THSD7A: variants seen among roughly 807,000 people sequenced by gnomAD.
THSD7A encodes the protein thrombospondin type 1 domain containing 7A.
THSD7A carries 96 observed loss-of-function variants against 231.3 expected under a neutral mutation model. The ratio of observed to expected loss-of-function variants is 0.41; its 90% CI spans 0.35 to 0.49. The LOEUF (loss-of-function observed/expected upper bound fraction) is 0.49, where lower values mean the gene tolerates loss of function less well. Among genes scored for constraint, THSD7A ranks in the 20% least tolerant of loss-of-function variants. The pLI, the probability that THSD7A is intolerant of heterozygous loss-of-function variation, is 0.05. For missense variants in THSD7A, 2,290 were observed against 2,070.2 expected (o/e 1.11, Z -2.06); for synonymous variants, 940 against 743.3 (o/e 1.26, Z -4.30).
chr7:11,385,839 G>C lies in THSD7A; in HGVS notation c.4412-3223C>G, dbSNP rs552603617. ...ACCCATCAACCTGTCATCTACATTA[G>C]GTATTTCTCCTAGTGCTATCCCTCC... On this transcript the variant is annotated intron_variant, in intron 23 of 27. Transcript: ENST00000423059. Among the ~76,000 whole-genome samples, 48 of 152,068 alleles carry C rather than the reference G, an allele frequency of 3.2e-4. 1 individual carries two copies. The highest frequency in any genetic ancestry group is 4.4e-5 in the Non-Finnish European group (3 of 67,962).
intron 16 of THSD7A, among the ~76,000 whole-genome samples, chr7:11,418,459 T>TTCC: frequency 2.6e-5 from 4 of 152,182 alleles, no homozygotes; most frequent in Non-Finnish European, 4.4e-5. Flanking sequence ...AGAAAACCTT[T>TTCC]ATCTCTCATG....
chr7:11,623,463 C>A (rs1781382034), intron 2 of THSD7A, among the ~76,000 whole-genome samples: 1 of 152,030 alleles, frequency 6.6e-6, no homozygotes, highest in South Asian at 2.1e-4. Flanking sequence ...CTTCCTTATT[C>A]ATCATCTAAA....
intron 1 of THSD7A, among the ~76,000 whole-genome samples, chr7:11,704,731 C>G (rs967269982): frequency 6.6e-6 from 1 of 150,958 alleles, no homozygotes; most frequent in Non-Finnish European, 1.5e-5. Flanking sequence ...TCTTCTCCCC[C>G]AAAACTGCCC....
chr7:11,513,739 T>C (rs867111677), intron 6 of THSD7A, among the ~76,000 whole-genome samples: 4 of 152,336 alleles, frequency 2.6e-5, no homozygotes, highest in Middle Eastern at 6.8e-3. Flanking sequence ...ACATTATGGA[T>C]ATACTAAATG....
At chr7:11,538,085 G>A (rs1788988756) in intron 6 of THSD7A, among the ~76,000 whole-genome samples, 1 of 152,138 alleles carries the variant, frequency 6.6e-6, no homozygotes, top group South Asian at 2.1e-4. Flanking sequence ...GTATGTTTGG[G>A]TTTCTTAACA....
intron 4 of THSD7A, among the ~76,000 whole-genome samples, chr7:11,585,710 G>C (rs1379048648): frequency 1.3e-5 from 2 of 152,062 alleles, no homozygotes; most frequent in Non-Finnish European, 2.9e-5. Flanking sequence ...CGTCAGTTTA[G>C]GGAGCAAGGT....
At chr7:11,431,969 A>T (rs916016176) in intron 13 of THSD7A, among the ~76,000 whole-genome samples, 1 of 152,134 alleles carries the variant, frequency 6.6e-6, no homozygotes, top group Non-Finnish European at 1.5e-5. Flanking sequence ...TAATTTCTTT[A>T]ATTAAAGGAA....
Position 11,444,203 on chromosome 7 carries a change from G to T in THSD7A, c.3064+1858C>A, listed in dbSNP as rs1053147578. ...AGGAACACTTTTACAATGTTGGTGGGAGTGTAAATTAGTTCAACCATTGTG... is the reference window on the plus strand; with the variant it reads ...AGGAACACTTTTACAATGTTGGTGGTAGTGTAAATTAGTTCAACCATTGTG... On this transcript the variant is annotated intron_variant, in intron 13 of 27. Coordinates refer to ENST00000423059, the MANE Select transcript of THSD7A (RefSeq NM_015204.3). This position sits in a 1 kb window ranked among gnomAD's most constrained non-coding sequence, Gnocchi z 4.2. 2.6e-5 allele frequency among the ~76,000 whole-genome samples: 4 copies of T among 152,098 alleles called. No homozygotes were observed. The highest frequency in any genetic ancestry group is 4.8e-5 in the African/African-American group (2 of 41,422).
intron 1 of THSD7A, among the ~76,000 whole-genome samples, chr7:11,739,668 C>T (rs1434303695): frequency 1.3e-5 from 2 of 151,828 alleles, no homozygotes; most frequent in African/African-American, 4.8e-5. Flanking sequence ...TCCTCTCACC[C>T]TGGCCCCCAA....
rs559724683 is a variant in THSD7A at position 11,428,730 on chromosome 7, A to G, written c.3243+217T>C. Reference sequence around the variant, plus strand: ...TTTCTCCCCATTGAATTACATACATATTCATATATACTTGCAAGGTATGGA... The same window carrying G: ...TTTCTCCCCATTGAATTACATACATGTTCATATATACTTGCAAGGTATGGA... On this transcript the variant is annotated intron_variant, in intron 14 of 27. Coordinates refer to ENST00000423059, the MANE Select transcript of THSD7A (RefSeq NM_015204.3). Among the ~76,000 whole-genome samples the G allele has an allele frequency of 4.3e-4, 66 of 152,276 alleles. No individual in the cohort carries two copies. The South Asian group carries it at 9.7e-3, about 22-fold the overall frequency.
intron 17 of THSD7A, among the ~76,000 whole-genome samples, chr7:11,416,373 AC>A (rs1188802475): frequency 1.3e-5 from 2 of 152,202 alleles, no homozygotes; most frequent in Non-Finnish European, 2.9e-5. Context: ...ATGATATCTG[AC>A]AAAAAATCTC....
At position 11,629,151 on chromosome 7, in the gene THSD7A, T is replaced by C. The variant is rs149528777; in HGVS notation, c.1022+6979A>G. 1.3e-3 allele frequency among the ~76,000 whole-genome samples: 196 copies of C among 152,244 alleles called. 1 individual carries two copies. Among genetic ancestry groups the C allele is most frequent in the African/African-American group, 4.6e-3 (191 of 41,542 alleles). On this transcript the variant is annotated intron_variant, in intron 2 of 27. Coordinates refer to ENST00000423059, the MANE Select transcript of THSD7A (RefSeq NM_015204.3). The stretch of plus-strand genomic sequence containing the variant: ...TCTGATATACTGCTGCTTTCTCCCA[T>C]TGGTAGAATCCAATGAGAAAGAAGG...
intron 3 of THSD7A, among the ~76,000 whole-genome samples, chr7:11,591,742 G>C (rs1391583794): frequency 2.0e-5 from 3 of 152,126 alleles, no homozygotes; most frequent in Non-Finnish European, 4.4e-5. Context: ...CAGCACTCAG[G>C]TCAATTATAG....
chr7:11,529,511 A>G (rs1788613829), intron 6 of THSD7A, among the ~76,000 whole-genome samples: 1 of 152,118 alleles, frequency 6.6e-6, no homozygotes, highest in African/African-American at 2.4e-5. Flanking sequence ...TATTTACATC[A>G]TGGGGATGGT....
intron 1 of THSD7A, among the ~76,000 whole-genome samples, chr7:11,648,520 C>T (rs905018471): frequency 3.3e-5 from 5 of 151,854 alleles, no homozygotes; most frequent in Non-Finnish European, 7.4e-5. Context: ...TTACCAAATA[C>T]TTTATTTGGT....
At chr7:11,687,441 C>T (rs955110393) in intron 1 of THSD7A, among the ~76,000 whole-genome samples, 1 of 151,906 alleles carries the variant, frequency 6.6e-6, no homozygotes, top group African/African-American at 2.4e-5. Context: ...CACACACTCA[C>T]ACGTGGCTTA....
At chr7:11,426,074 T>A (rs770905283) in intron 15 of THSD7A, among the ~76,000 whole-genome samples, 1 of 148,052 alleles carries the variant, frequency 6.8e-6, no homozygotes, top group Admixed American at 6.7e-5. Context: ...AAAAAAACAT[T>A]AAAAAAAAAA....
intron 1 of THSD7A, among the ~76,000 whole-genome samples, chr7:11,806,335 A>G (rs1487975589): frequency 1.3e-5 from 2 of 152,178 alleles, no homozygotes; most frequent in Non-Finnish European, 2.9e-5. Flanking sequence ...ATTTAAATAA[A>G]GATAACTCCC....
intron 1 of THSD7A, among the ~76,000 whole-genome samples, chr7:11,704,674 A>T (rs1344459980): frequency 2.0e-5 from 3 of 150,982 alleles, no homozygotes; most frequent in Non-Finnish European, 4.5e-5. Flanking sequence ...TCGTAACCTG[A>T]GGCTAACCTG....
Sources: allele counts gnomAD v4.1 joint callset (sites outside exome capture counted in the v4.1 genomes callset), GRCh38; gene constraint gnomAD v4.1.1; non-coding constraint Gnocchi (gnomAD v3.1); transcripts MANE v1.5; gene names NCBI Gene and HGNC (gene_info 2026-07-23, HGNC 2026-07-21).